Variants in USF1 observed in about 807,000 individuals in gnomAD.
USF1 encodes the protein upstream stimulatory factor 1.
USF1 carries 22 observed loss-of-function variants against 46.3 expected under a neutral mutation model. The observed-to-expected ratio is 0.47, with a 90% confidence interval of 0.34 to 0.68. USF1 has a LOEUF of 0.68. Ranked by LOEUF, USF1 falls within the 30% of genes least tolerant of loss-of-function variation. The pLI is 0.01. For synonymous variants in USF1, 150 were observed against 147.0 expected (o/e 1.02, Z -0.15); for missense variants, 287 against 399.3 (o/e 0.72, Z 2.40).
chr1:161,039,840 G>C lies in USF1; in HGVS notation c.*80C>G. The stretch of plus-strand genomic sequence containing the variant: ...TGTCCCATGCCAGAAGTGGGGCAGT[G>C]AAGGAAAGGGGCACGGGATTAGGCT... On this transcript the variant is annotated 3_prime_UTR_variant, in exon 11 of 11. Coordinates refer to ENST00000368021, the MANE Select transcript of USF1 (RefSeq NM_007122.5). The C allele has an allele frequency of 6.8e-7, 1 of 1,468,268 alleles. No individual in the cohort carries two copies. Among genetic ancestry groups the C allele is most frequent in the Non-Finnish European group, 9.5e-7 (1 of 1,057,302 alleles). The allele number at this position is 1,468,268 out of a possible 1,614,324, so 91.0% of individuals were successfully genotyped here. A position where few individuals can be genotyped will look rare whatever the true frequency, so the allele number is the denominator to read the frequency against.
At chr1:161,041,486 C>A in intron 6 of USF1, 75 bp from the exon 7 acceptor site, 1 of 1,527,658 alleles carries the variant, frequency 6.5e-7, no homozygotes, top group Non-Finnish European at 9.0e-7. Context: ...AGACCCTGGT[C>A]CCCTCCTCTA....
rs763085474 is a variant in USF1 at position 161,042,543 on chromosome 1, C to T, written c.174+12G>A. On this transcript the variant is annotated intron_variant, in intron 4 of 10. Coordinates refer to ENST00000368021, the MANE Select transcript of USF1 (RefSeq NM_007122.5). Reference sequence around the variant, plus strand: ...CAGATAACACCTGCAGCCACCTGGCCCCCTCCCTTACCTGGCCCCCATTCT... The same window carrying T: ...CAGATAACACCTGCAGCCACCTGGCTCCCTCCCTTACCTGGCCCCCATTCT... 1 of 1,613,830 alleles carries T rather than the reference C, an allele frequency of 6.2e-7. No homozygotes were observed. The highest frequency in any genetic ancestry group is 2.2e-5 in the East Asian group (1 of 44,884).
At chr1:161,044,564 A>T (rs951449482) in intron 1 of USF1, among the ~76,000 whole-genome samples, 1 of 152,202 alleles carries the variant, frequency 6.6e-6, no homozygotes, top group Admixed American at 6.5e-5. Flanking sequence ...TAGAAACCCT[A>T]AAGCCCAAGT....
chr1:161,039,923 G>T lies in USF1; in HGVS notation c.930C>A (p.Asn310Lys), dbSNP rs758177828. The T allele has an allele frequency of 6.2e-7, 1 of 1,614,162 alleles. No homozygotes were observed. Among genetic ancestry groups the T allele is most frequent in the Non-Finnish European group, 8.5e-7 (1 of 1,180,024 alleles). ...GLEVVIKNDS[N>K] ...CAAAGCCCCTGAATCCCCATAGTTA[G>T]TTGCTGTCATTCTTGATGACGACCT... The change falls in exon 11 of 11, where the codon AAC becomes AAA. Residue 310 changes from asparagine (N) to lysine (K), a missense_variant. Physicochemically the swap from Asn to Lys is moderately conservative, Grantham distance 94. Transcript: ENST00000368021.
chr1:161,045,615 G>A (rs1650778431), intron 1 of USF1, among the ~76,000 whole-genome samples: 1 of 152,212 alleles, frequency 6.6e-6, no homozygotes, highest in Non-Finnish European at 1.5e-5. Flanking sequence ...AGCGCCCGGT[G>A]CCGGCGGCTG....
chr1:161,043,620 CTTTTTT>C (rs34611572), intron 1 of USF1, among the ~76,000 whole-genome samples: 3 of 119,600 alleles, frequency 2.5e-5, no homozygotes, highest in Admixed American at 8.6e-5. Context: ...AGAAACAACA[CTTTTTT>C]TTTTTTTTTT....
intron 5 of USF1, 107 bp from the exon 6 acceptor site, chr1:161,041,953 G>T: frequency 7.6e-7 from 1 of 1,310,048 alleles, no homozygotes; most frequent in Non-Finnish European, 1.1e-6. Flanking sequence ...GGTGGAGAGA[G>T]AGAGAGAGAG....
In USF1 at chr1:161,039,844, G is replaced by A; in HGVS notation, c.*76C>T. On this transcript the variant is annotated 3_prime_UTR_variant, in exon 11 of 11. Coordinates refer to ENST00000368021, the MANE Select transcript of USF1 (RefSeq NM_007122.5). ...CCATGCCAGAAGTGGGGCAGTGAAG[G>A]AAAGGGGCACGGGATTAGGCTGTTG... 6.6e-7 allele frequency: 1 copy of A among 1,504,418 alleles called. No individual in the cohort carries two copies. The highest frequency in any genetic ancestry group is 1.1e-5 in the South Asian group (1 of 87,318). 93.2% of individuals were successfully genotyped at this position (1,504,418 alleles called of 1,614,324 possible).
Position 161,039,728 on chromosome 1 carries a change from T to C in USF1, c.*192A>G. 1.6e-6 allele frequency: 1 copy of C among 618,542 alleles called. No individual in the cohort carries two copies. Among genetic ancestry groups the C allele is most frequent in the Non-Finnish European group, 2.8e-6 (1 of 353,984 alleles). The allele number at this position is 618,542 out of a possible 1,614,324, so 38.3% of individuals were successfully genotyped here. On this transcript the variant is annotated 3_prime_UTR_variant, in exon 11 of 11. Transcript: ENST00000368021. The stretch of plus-strand genomic sequence containing the variant: ...TGGTGGGGGTGGGCAAGGCTGTCAG[T>C]GCACGTCCACATTGTGTGTTTCACA...
chr1:161,041,717 T>C lies in USF1; in HGVS notation c.406A>G (p.Thr136Ala), dbSNP rs1202040064. Residue 136 changes from threonine (T) to alanine (A), a missense_variant, in exon 6 of 11, where the codon ACA becomes GCA. Physicochemically the swap from Thr to Ala is moderately conservative, Grantham distance 58. Coordinates refer to ENST00000368021, the MANE Select transcript of USF1 (RefSeq NM_007122.5). ...DGAGGTTSGSTAAVVTTQGSE... is the reference protein window; with the variant it reads ...DGAGGTTSGSAAAVVTTQGSE... ...CCCTGGGTAGTAACAACAGCAGCTG[T>C]ACTCCCCGATGTGGTACCCCCTGCC... 6.2e-7 allele frequency: 1 copy of C among 1,614,034 alleles called. No individual in the cohort carries two copies. Among genetic ancestry groups the C allele is most frequent in the African/African-American group, 1.3e-5 (1 of 75,004 alleles).
Position 161,040,160 on chromosome 1 carries a change from T to C in USF1, c.843+42A>G. 6.2e-7 allele frequency: 1 copy of C among 1,612,298 alleles called. No individual in the cohort carries two copies. Among genetic ancestry groups the C allele is most frequent in the Non-Finnish European group, 8.5e-7 (1 of 1,178,662 alleles). On this transcript the variant is annotated intron_variant, in intron 10 of 10. Coordinates refer to ENST00000368021, the MANE Select transcript of USF1 (RefSeq NM_007122.5). The surrounding 1 kb of genome is among the most constrained non-coding windows in gnomAD (Gnocchi z 4.0). Reference sequence around the variant, plus strand: ...GAGGGTGTCAAACTGGGTCAGTGGCTAGCAGAACTGAGAAGGGCTGCACTG... The same window carrying C: ...GAGGGTGTCAAACTGGGTCAGTGGCCAGCAGAACTGAGAAGGGCTGCACTG...
At chr1:161,044,998 AC>A (rs1381435560) in intron 1 of USF1, 2 of 152,260 alleles carry the variant, frequency 1.3e-5, no homozygotes, top group African/African-American at 2.4e-5. Context: ...TGAAAGTGAA[AC>A]CGTACAGACG....
In USF1 at chr1:161,039,296, A is replaced by AT; in HGVS notation, c.*623_*624insA. The stretch of plus-strand genomic sequence containing the variant: ...TTAAAAAAAAAAAAAAAAAAAAAAA[A>AT]AAAAGAAAAGAAAAAAAAAAAACGA... On this transcript the variant is annotated 3_prime_UTR_variant, in exon 11 of 11. Coordinates refer to ENST00000368021, the MANE Select transcript of USF1 (RefSeq NM_007122.5). 7.9e-6 allele frequency: 1 copy of AT among 126,126 alleles called. No homozygotes were observed. 7.8% of individuals were successfully genotyped at this position (126,126 alleles called of 1,614,324 possible).
chr1:161,043,170 T>G (rs966948159), intron 2 of USF1, 98 bp downstream of exon 2: 1 of 1,600,104 alleles, frequency 6.2e-7, no homozygotes, highest in Non-Finnish European at 8.6e-7. Context: ...AGAACCTGAA[T>G]CCAGGTCTGC....
Position 161,041,746 on chromosome 1 carries a change from T to A in USF1, c.377A>T (p.Asp126Val). Residue 126 changes from aspartate to valine, a missense_variant, in exon 6 of 11, where the codon GAT becomes GTT. By Grantham distance (152) the Asp-to-Val change is radical. Transcript: ENST00000368021. ...YTYFPSTAVG[D>V]GAGGTTSGST... ...CCCCGATGTGGTACCCCCTGCCCCA[T>A]CTCCCACTGCCGTGCTGGGGAAGTA... 6.2e-7 allele frequency: 1 copy of A among 1,613,952 alleles called. No individual in the cohort carries two copies. Among genetic ancestry groups the A allele is most frequent in the Non-Finnish European group, 8.5e-7 (1 of 1,179,960 alleles).
chr1:161,042,431 C>G, intron 4 of USF1, 124 bp downstream of exon 4: 1 of 1,145,024 alleles, frequency 8.7e-7, no homozygotes, highest in Non-Finnish European at 1.3e-6. Flanking sequence ...TAGCACCTCC[C>G]TCCCCTGCAA....
chr1:161,042,784 A>G, intron 3 of USF1, 49 bp downstream of exon 3: 1 of 1,613,616 alleles, frequency 6.2e-7, no homozygotes, highest in South Asian at 1.1e-5. Flanking sequence ...TGGGGAAGGA[A>G]GGGAGGCCAT....
At chr1:161,045,389 A>G (rs1012977829) in intron 1 of USF1, among the ~76,000 whole-genome samples, 1 of 152,200 alleles carries the variant, frequency 6.6e-6, no homozygotes, top group African/African-American at 2.4e-5. Flanking sequence ...AGGGAAAAAA[A>G]ATCAACTCCC....
In USF1 at chr1:161,040,780, A is replaced by G; in HGVS notation, c.619+34T>C. ...CAGACATCACTGCTGAGATCACACC[A>G]GACAGCTTCTAGCTCCACCCAGATC... On this transcript the variant is annotated intron_variant, in intron 8 of 10. Transcript: ENST00000368021. The surrounding 1 kb of genome is among the most constrained non-coding windows in gnomAD (Gnocchi z 4.0). The G allele has an allele frequency of 6.2e-7, 1 of 1,613,958 alleles. No individual in the cohort carries two copies. Among genetic ancestry groups the G allele is most frequent in the Admixed American group, 1.7e-5 (1 of 60,008 alleles).
Sources: allele counts gnomAD v4.1 joint callset (sites outside exome capture counted in the v4.1 genomes callset), GRCh38; gene constraint gnomAD v4.1.1; non-coding constraint Gnocchi (gnomAD v3.1); transcripts MANE v1.5; gene names NCBI Gene and HGNC (gene_info 2026-07-23, HGNC 2026-07-21).